The following ZNHIT6 variants were observed in gnomAD, a reference collection of about 807,000 sequenced individuals.
ZNHIT6 encodes the protein box C/D snoRNA protein 1.
ZNHIT6 carries 45 observed loss-of-function variants against 57.2 expected under a neutral mutation model. The observed-to-expected ratio is 0.79, with a 90% CI of 0.62 to 1.01. The LOEUF (loss-of-function observed/expected upper bound fraction) is 1.01, where lower values mean the gene tolerates loss of function less well. ZNHIT6 is among the 50% of genes least tolerant of loss of function. The pLI is 0.00. For missense variants in ZNHIT6, 528 were observed against 567.3 expected (o/e 0.93, Z 0.70); for synonymous variants, 188 against 190.0 (o/e 0.99, Z 0.09).
chr1:85,660,601 T>A (rs985752022), intron 8 of ZNHIT6, among the ~76,000 whole-genome samples: 1 of 152,146 alleles, frequency 6.6e-6, no homozygotes, highest in Non-Finnish European at 1.5e-5. Flanking sequence ...AAAATTACTA[T>A]GCAACAAGTT....
intron 5 of ZNHIT6, 111 bp from the exon 6 acceptor site, chr1:85,681,015 T>G: frequency 1.4e-6 from 1 of 708,584 alleles, no homozygotes. Context: ...TTCTTAGACT[T>G]TAACATATAT....
chr1:85,657,252 A>G (rs901983292), intron 9 of ZNHIT6, among the ~76,000 whole-genome samples: 2 of 152,134 alleles, frequency 1.3e-5, no homozygotes, highest in Non-Finnish European at 2.9e-5. Flanking sequence ...ACTTCCCTAT[A>G]TCACAAAATC....
intron 6 of ZNHIT6, among the ~76,000 whole-genome samples, chr1:85,679,573 T>C (rs1432543229): frequency 1.3e-4 from 20 of 150,832 alleles, no homozygotes; most frequent in Admixed American, 1.3e-3. Context: ...GTTTTTTTTT[T>C]TTTTTTTTAA....
chr1:85,686,151 C>T (rs957173704), intron 5 of ZNHIT6, among the ~76,000 whole-genome samples: 29 of 151,348 alleles, frequency 1.9e-4, no homozygotes, highest in African/African-American at 6.8e-4. Flanking sequence ...TTAGTAGAGA[C>T]GGGGTTTCAC....
At chr1:85,667,961 A>AATATATATATATATATATAT (rs1553155849) in intron 8 of ZNHIT6, among the ~76,000 whole-genome samples, 2 of 18,176 alleles carry the variant, frequency 1.1e-4, no homozygotes, top group African/African-American at 2.1e-4. Context: ...AAAAAAAAAA[A>AATATATATATATATATATAT]ATATATATAT....
In ZNHIT6 at chr1:85,651,609, A is replaced by T. The variant is rs1179793565; in HGVS notation, c.*2449T>A. ...TATGACTATTAATCCTATATGTATA[A>T]TTAGCAATTATGAAAGGCCTATCTT... On this transcript the variant is annotated 3_prime_UTR_variant, in exon 10 of 10. Transcript: ENST00000370574. The T allele has an allele frequency of 6.6e-6, 1 of 152,226 alleles. No individual in the cohort carries two copies. The highest frequency in any genetic ancestry group is 1.5e-5 in the Non-Finnish European group (1 of 68,054). 9.4% of individuals were successfully genotyped at this position (152,226 alleles called of 1,614,324 possible).
chr1:85,689,604 A>G (rs900249294), intron 5 of ZNHIT6, among the ~76,000 whole-genome samples: 4 of 152,194 alleles, frequency 2.6e-5, no homozygotes, highest in African/African-American at 9.6e-5. Context: ...GCTTTAGTAG[A>G]AAGTATATTA....
At chr1:85,672,155 C>T (rs1366617171) in intron 8 of ZNHIT6, among the ~76,000 whole-genome samples, 1 of 152,112 alleles carries the variant, frequency 6.6e-6, no homozygotes, top group Non-Finnish European at 1.5e-5. Flanking sequence ...CTACATGAAA[C>T]TCAACATGCT....
intron 6 of ZNHIT6, 48 bp downstream of exon 6, chr1:85,680,788 C>A: frequency 2.1e-6 from 3 of 1,396,914 alleles, no homozygotes; most frequent in Non-Finnish European, 3.0e-6. Context: ...TTTAAATACA[C>A]AGCCTTCAAA....
chr1:85,662,516 ATTC>A (rs1307366139), intron 8 of ZNHIT6, among the ~76,000 whole-genome samples: 1 of 151,980 alleles, frequency 6.6e-6, no homozygotes, highest in African/African-American at 2.4e-5. Flanking sequence ...AAAAGTTTTA[ATTC>A]TTCTTTTATT....
intron 5 of ZNHIT6, among the ~76,000 whole-genome samples, chr1:85,696,415 C>T (rs923588783): frequency 2.6e-5 from 4 of 151,866 alleles, no homozygotes; most frequent in Admixed American, 1.3e-4. Flanking sequence ...AATACTTCTA[C>T]GTCTAATTGT....
intron 5 of ZNHIT6, among the ~76,000 whole-genome samples, chr1:85,698,656 T>C (rs1662448064): frequency 6.6e-6 from 1 of 152,138 alleles, no homozygotes; most frequent in Admixed American, 6.5e-5. Flanking sequence ...GGAGTATTAA[T>C]AATCTTAGGA....
At chr1:85,688,768 T>C (rs767235490) in intron 5 of ZNHIT6, among the ~76,000 whole-genome samples, 1 of 152,152 alleles carries the variant, frequency 6.6e-6, no homozygotes, top group South Asian at 2.1e-4. Flanking sequence ...TGTCTGGATA[T>C]TTACTATAAC....
chr1:85,681,901 C>A (rs1228543521), intron 5 of ZNHIT6, among the ~76,000 whole-genome samples: 1 of 151,418 alleles, frequency 6.6e-6, no homozygotes, highest in East Asian at 1.9e-4. Context: ...ATAAATAATT[C>A]TTCCAAAATA....
intron 5 of ZNHIT6, 92 bp downstream of exon 5, chr1:85,702,065 C>T: frequency 1.3e-6 from 1 of 762,304 alleles, no homozygotes; most frequent in Non-Finnish European, 2.2e-6. Context: ...CAGAACCACA[C>T]TTGGGGTAGC....
chr1:85,679,943 C>A (rs569927622), intron 6 of ZNHIT6, among the ~76,000 whole-genome samples: 132 of 152,354 alleles, frequency 8.7e-4, no homozygotes, highest in African/African-American at 3.0e-3. Context: ...CGGTGGCTCA[C>A]ACTTGTAATT....
At position 85,697,129 on chromosome 1, in the gene ZNHIT6, CAG is replaced by C. The variant is rs545576414; in HGVS notation, c.1019+5026_1019+5027del. ...TCGTGATCCACCTGCCTCAGCCTCC[CAG>C]AGTGCTGGGATTACAGGCGTGAGCC... On this transcript the variant is annotated intron_variant, in intron 5 of 9. Transcript: ENST00000370574. Among the ~76,000 whole-genome samples the C allele has an allele frequency of 2.0e-5, 3 of 152,166 alleles. No individual in the cohort carries two copies. In the South Asian group the frequency reaches 6.2e-4, roughly 32 times the overall value.
Position 85,678,738 on chromosome 1 carries a change from T to C in ZNHIT6, c.1132A>G (p.Ile378Val), listed in dbSNP as rs150480369. The C allele has an allele frequency of 1.9e-6, 3 of 1,593,284 alleles. No individual in the cohort carries two copies. The highest frequency in any genetic ancestry group is 1.4e-5 in the African/African-American group (1 of 73,976). Residue 378 changes from isoleucine to valine, a missense_variant, in exon 7 of 10, where the codon ATT becomes GTT. By Grantham distance (29) the Ile-to-Val change is conservative. Transcript: ENST00000370574. ...ACAGGATCAGACTTTTCAGGATCAA[T>C]GTAAGGTTTTAGGATTTCATTAATA... The part of the protein sequence containing the change: ...KTINEILKPY[I>V]DPEKSDPVIR...
chr1:85,666,720 A>G (rs1410115099), intron 8 of ZNHIT6, among the ~76,000 whole-genome samples: 2 of 152,216 alleles, frequency 1.3e-5, no homozygotes, highest in East Asian at 3.9e-4. Context: ...AGCCCATTCC[A>G]TCACTGGAAG....
Sources: allele counts gnomAD v4.1 joint callset (sites outside exome capture counted in the v4.1 genomes callset), GRCh38; gene constraint gnomAD v4.1.1; transcripts MANE v1.5; gene names NCBI Gene and HGNC (gene_info 2026-07-23, HGNC 2026-07-21).